CNTN6: variants seen among roughly 807,000 people sequenced by gnomAD.
The protein encoded by CNTN6 is contactin 6.
Under a neutral mutation model 122.8 loss-of-function variants are expected in CNTN6, and 137 were observed. That is an observed-to-expected ratio of 1.12 (90% CI 0.97 to 1.29). The LOEUF (loss-of-function observed/expected upper bound fraction) is 1.29. Ranked by LOEUF, CNTN6 falls within the 50% of genes most tolerant of loss-of-function variation. The probability of loss-of-function intolerance (pLI) is 0.00; values close to 1 mark genes in which losing one functional copy is unlikely to be tolerated. For synonymous variants in CNTN6, 570 were observed against 426.0 expected (o/e 1.34, Z -4.16); for missense variants, 1,634 against 1,223.4 (o/e 1.34, Z -5.01).
intron 2 of CNTN6, among the ~76,000 whole-genome samples, chr3:1,208,056 C>A (rs2093981962): frequency 6.6e-6 from 1 of 152,058 alleles, no homozygotes; most frequent in Non-Finnish European, 1.5e-5. Context: ...CCTCTTTATT[C>A]CTACTGACAA....
At chr3:1,119,429 A>G (rs929702493) in intron 1 of CNTN6, among the ~76,000 whole-genome samples, 7 of 151,040 alleles carry the variant, frequency 4.6e-5, no homozygotes, top group Admixed American at 2.0e-4. Flanking sequence ...ATATTTTTAT[A>G]CATAGTCAGA....
intron 7 of CNTN6, among the ~76,000 whole-genome samples, chr3:1,300,472 G>GGA (rs372502270): frequency 1.4e-5 from 2 of 140,322 alleles, no homozygotes; most frequent in African/African-American, 3.0e-5. Context: ...AGGAAGGAAG[G>GGA]AAGGAAGGAA....
chr3:1,315,372 G>A (rs913054453), intron 7 of CNTN6, among the ~76,000 whole-genome samples: 4 of 151,904 alleles, frequency 2.6e-5, no homozygotes, highest in African/African-American at 9.7e-5. Flanking sequence ...TTTAGTGGGT[G>A]GCAACTCAAA....
At chr3:1,125,697 C>G (rs1233433323) in intron 1 of CNTN6, among the ~76,000 whole-genome samples, 2 of 151,284 alleles carry the variant, frequency 1.3e-5, no homozygotes, top group Non-Finnish European at 3.0e-5. Flanking sequence ...GCTTTATGGG[C>G]TAGAAGTGTT....
At chr3:1,119,935 C>T (rs1238640102) in intron 1 of CNTN6, among the ~76,000 whole-genome samples, 1 of 152,038 alleles carries the variant, frequency 6.6e-6, no homozygotes, top group Non-Finnish European at 1.5e-5. Context: ...TTGATCACCA[C>T]AAATTAGTGT....
intron 1 of CNTN6, among the ~76,000 whole-genome samples, chr3:1,140,123 C>G (rs1310651697): frequency 1.3e-5 from 2 of 152,142 alleles, no homozygotes; most frequent in Admixed American, 6.5e-5. Context: ...TTAGATTTGT[C>G]CAATGAATAA....
At chr3:1,319,737 T>C (rs1208165962) in intron 7 of CNTN6, among the ~76,000 whole-genome samples, 1 of 151,444 alleles carries the variant, frequency 6.6e-6, no homozygotes, top group Non-Finnish European at 1.5e-5. Flanking sequence ...GCTCTATTTT[T>C]CCTTTGTAAA....
intron 1 of CNTN6, among the ~76,000 whole-genome samples, chr3:1,125,491 T>G (rs1307353989): frequency 6.6e-6 from 1 of 151,858 alleles, no homozygotes; most frequent in Non-Finnish European, 1.5e-5. Flanking sequence ...AGAAGCAAAA[T>G]GTAATCTGCA....
Position 1,095,497 on chromosome 3 carries a change from CAG to C in CNTN6, c.-83+2379_-83+2380del, listed in dbSNP as rs1198656050. ...AACAAACAAACAAACAAACAGAAAA[CAG>C]AAAACAGAAACATTGAGTTTAATTT... On this transcript the variant is annotated intron_variant, in intron 1 of 22. Coordinates refer to ENST00000446702, the MANE Select transcript of CNTN6 (RefSeq NM_001289080.2). Among the ~76,000 whole-genome samples the C allele has an allele frequency of 1.7e-4, 26 of 152,030 alleles. No homozygotes were observed. In the East Asian group the frequency reaches 4.7e-3, roughly 27 times the overall value.
chr3:1,186,861 A>G (rs2093634670), intron 2 of CNTN6, among the ~76,000 whole-genome samples: 1 of 151,868 alleles, frequency 6.6e-6, no homozygotes, highest in Admixed American at 6.6e-5. Flanking sequence ...AAAAGAGGTA[A>G]GATAAACTGC....
intron 2 of CNTN6, among the ~76,000 whole-genome samples, chr3:1,202,353 A>G (rs2093888060): frequency 6.6e-6 from 1 of 151,956 alleles, no homozygotes; most frequent in Admixed American, 6.6e-5. Flanking sequence ...ATCCTGGCTA[A>G]CACGGTGAAA....
In CNTN6 at chr3:1,341,455, A is replaced by G. The variant is rs192014606; in HGVS notation, c.1365-10869A>G. ...CTGGATTAATTTAGTTAGGCTTTCCATCTGATGCTGTTTTGTTAATGTTAA... is the reference window on the plus strand; with the variant it reads ...CTGGATTAATTTAGTTAGGCTTTCCGTCTGATGCTGTTTTGTTAATGTTAA... On this transcript the variant is annotated intron_variant, in intron 11 of 22. Coordinates refer to ENST00000446702, the MANE Select transcript of CNTN6 (RefSeq NM_001289080.2). 7.3e-4 allele frequency among the ~76,000 whole-genome samples: 111 copies of G among 152,238 alleles called. 1 individual carries two copies. Among genetic ancestry groups the G allele is most frequent in the African/African-American group, 2.5e-3 (104 of 41,546 alleles).
intron 11 of CNTN6, among the ~76,000 whole-genome samples, chr3:1,336,779 A>G (rs1703133552): frequency 6.6e-6 from 1 of 152,122 alleles, no homozygotes; most frequent in South Asian, 2.1e-4. Flanking sequence ...CAAACCTCAA[A>G]TTTAGAGCAG....
At chr3:1,363,241 G>C (rs1707737020) in intron 12 of CNTN6, among the ~76,000 whole-genome samples, 1 of 151,896 alleles carries the variant, frequency 6.6e-6, no homozygotes, top group South Asian at 2.1e-4. Flanking sequence ...TCTCTGCGAT[G>C]AGAACACCTG....
chr3:1,149,419 G>A (rs1021438092), intron 2 of CNTN6, among the ~76,000 whole-genome samples: 3 of 152,040 alleles, frequency 2.0e-5, no homozygotes, highest in African/African-American at 7.3e-5. Flanking sequence ...AATTTAAAAG[G>A]CAGAAACACA....
At chr3:1,395,290 G>C (rs532495591) in intron 20 of CNTN6, among the ~76,000 whole-genome samples, 256 of 152,218 alleles carry the variant, frequency 1.7e-3, no homozygotes, top group Non-Finnish European at 3.1e-3. Flanking sequence ...AACAATATAA[G>C]TTGCTTATCA....
intron 1 of CNTN6, among the ~76,000 whole-genome samples, chr3:1,097,040 A>G (rs1239511744): frequency 6.6e-6 from 1 of 152,188 alleles, no homozygotes; most frequent in Non-Finnish European, 1.5e-5. Context: ...TTTTATTAGA[A>G]TGTTGTTATT....
intron 12 of CNTN6, among the ~76,000 whole-genome samples, chr3:1,354,492 T>C (rs7653048): frequency 0.88 from 133,011 of 151,400 alleles, 59,680 homozygotes; most frequent in African/African-American, 0.97. Context: ...TTCCACTCTT[T>C]CTTCTTCTGT....
At chr3:1,383,210 C>A (rs1347177049) in intron 18 of CNTN6, 34 bp downstream of exon 18, 5 of 1,594,236 alleles carry the variant, frequency 3.1e-6, no homozygotes, top group Non-Finnish European at 4.3e-6. Context: ...TTCTTTGAGA[C>A]TCTATGCATA....
Sources: gnomAD v4.1 joint callset for allele counts (sites outside exome capture counted in the v4.1 genomes callset) on GRCh38, gnomAD v4.1.1 for gene constraint, MANE v1.5 for transcripts, NCBI Gene and HGNC (gene_info 2026-07-23, HGNC 2026-07-21) for gene names.